The following MYO16 variants were observed in gnomAD, a reference collection of about 807,000 sequenced individuals.
The protein encoded by MYO16 is unconventional myosin-XVI.
MYO16 carries 94 observed loss-of-function variants against 205.3 expected under a neutral mutation model. That is an observed-to-expected ratio of 0.46 (90% confidence interval 0.39 to 0.54). The LOEUF is 0.54. Ranked by LOEUF, MYO16 falls within the 20% of genes least tolerant of loss-of-function variation. The pLI is 0.00. For missense variants in MYO16, 2,315 were observed against 2,387.5 expected (o/e 0.97, Z 0.63); for synonymous variants, 988 against 954.0 (o/e 1.04, Z -0.66).
intron 33 of MYO16, among the ~76,000 whole-genome samples, chr13:109,176,350 A>T (rs1471804181): frequency 2.0e-5 from 3 of 151,968 alleles, no homozygotes; most frequent in Admixed American, 6.6e-5. Flanking sequence ...TTGAAGAATT[A>T]AAAAAGCCTC....
rs185372110 is a variant in MYO16, at chr13:108,738,220, A to G, written c.507+10637A>G. On this transcript the variant is annotated intron_variant, in intron 4 of 34. Coordinates refer to ENST00000457511, the MANE Select transcript of MYO16 (RefSeq NM_001198950.3). ...CTTGCTTCTCTAGTTCTTTTAATTG[A>G]GATGTTAGGGTGTCAATTTTAGATC... 4.7e-3 allele frequency among the ~76,000 whole-genome samples: 712 copies of G among 151,844 alleles called. 4 individuals carry two copies. The highest frequency in any genetic ancestry group is 0.016 in the African/African-American group (659 of 41,408).
At chr13:108,677,057 TATTC>T (rs968145958) in intron 2 of MYO16, among the ~76,000 whole-genome samples, 1 of 152,114 alleles carries the variant, frequency 6.6e-6, no homozygotes, top group Non-Finnish European at 1.5e-5. Context: ...ATTCCTTAAT[TATTC>T]ATTCATTCAT....
rs7320441 is a variant in MYO16, at chr13:108,695,968, C to T, written c.293-16693C>T. 2.9e-3 allele frequency among the ~76,000 whole-genome samples: 444 copies of T among 152,266 alleles called. 4 individuals are homozygous for T. The highest frequency in any genetic ancestry group is 0.01 in the African/African-American group (421 of 41,548). On this transcript the variant is annotated intron_variant, in intron 2 of 34. Transcript: ENST00000457511. The stretch of plus-strand genomic sequence containing the variant: ...GAACTTCTAAAAATCAGAAGAGAAA[C>T]CACTGCTAAAATGTATCACAAAATA...
At chr13:108,641,988 C>T (rs1880524595) in intron 1 of MYO16, among the ~76,000 whole-genome samples, 1 of 152,140 alleles carries the variant, frequency 6.6e-6, no homozygotes, top group Non-Finnish European at 1.5e-5. Context: ...ACTTATGGGA[C>T]CACAGGGTCA....
At chr13:108,605,621 G>C (rs1355343030) in intron 1 of MYO16, among the ~76,000 whole-genome samples, 1 of 152,150 alleles carries the variant, frequency 6.6e-6, no homozygotes, top group African/African-American at 2.4e-5. Context: ...GGACTTGTTT[G>C]CTTCCCCTTC....
At chr13:108,729,045 G>A (rs373375975) in intron 4 of MYO16, among the ~76,000 whole-genome samples, 2 of 150,974 alleles carry the variant, frequency 1.3e-5, no homozygotes, top group Admixed American at 6.6e-5. Context: ...TCAAATTCTG[G>A]AAGATGGAGG....
chr13:109,048,228 G>A (rs1044198906), intron 24 of MYO16: 1 of 567,012 alleles, frequency 1.8e-6, no homozygotes, highest in Non-Finnish European at 3.3e-6. Context: ...ATGATGGCTA[G>A]TCTGCTTATC....
At position 108,659,603 on chromosome 13, in the gene MYO16, G is replaced by A. The variant is rs572728373; in HGVS notation, c.29-6283G>A. ...TGCCTCAGGCCAGATAATTTTGTAA[G>A]GAAAAGCAGTTAGATGGGAACACGG... On this transcript the variant is annotated intron_variant, in intron 1 of 34. Coordinates refer to ENST00000457511, the MANE Select transcript of MYO16 (RefSeq NM_001198950.3). 3.3e-5 allele frequency among the ~76,000 whole-genome samples: 5 copies of A among 152,230 alleles called. No homozygotes were observed. In the South Asian group the frequency reaches 6.2e-4, roughly 19 times the overall value.
intron 28 of MYO16, among the ~76,000 whole-genome samples, chr13:109,102,490 GTA>G (rs1412384626): frequency 3.1e-4 from 17 of 54,588 alleles, no homozygotes; most frequent in East Asian, 2.9e-3. Context: ...GTGTATATAT[GTA>G]TATGTGTGTG....
At chr13:108,576,289 T>C in the MYO16 span, among the ~76,000 whole-genome samples, 3 of 152,172 alleles carry the variant, frequency 2.0e-5, no homozygotes, top group Admixed American at 1.3e-4. Flanking sequence ...GCCACCGCAG[T>C]CTTTTAAACA....
At chr13:109,120,548 T>C in intron 29 of MYO16, 82 bp downstream of exon 29, 4 of 1,027,718 alleles carry the variant, frequency 3.9e-6, no homozygotes, top group Non-Finnish European at 5.8e-6. Flanking sequence ...AGTTTAAATG[T>C]CGATGGGGTC....
upstream of MYO16, among the ~76,000 whole-genome samples, chr13:108,625,174 CCGTT>C (rs1237635354): frequency 6.6e-6 from 1 of 152,122 alleles, no homozygotes; most frequent in African/African-American, 2.4e-5. Context: ...ACTTGAATGT[CCGTT>C]TGTTCTGGTT....
intron 2 of MYO16, among the ~76,000 whole-genome samples, chr13:108,673,341 A>C (rs1341016198): frequency 6.8e-6 from 1 of 148,118 alleles, no homozygotes; most frequent in Non-Finnish European, 1.5e-5. Flanking sequence ...TCTTTCCCTG[A>C]TCAATCCCTC....
intron 1 of MYO16, among the ~76,000 whole-genome samples, chr13:108,598,061 T>C (rs1328286713): frequency 6.6e-6 from 1 of 152,134 alleles, no homozygotes; most frequent in South Asian, 2.1e-4. Flanking sequence ...ACTGAAAAGG[T>C]GAATCACCAG....
chr13:109,177,825 A>C (rs1216587978), intron 33 of MYO16, among the ~76,000 whole-genome samples: 5 of 152,280 alleles, frequency 3.3e-5, no homozygotes, highest in South Asian at 2.1e-4. Context: ...CCCGACTTCT[A>C]ATTTATAATT....
At chr13:108,712,859 A>G in intron 3 of MYO16, 128 bp downstream of exon 3, 2 of 676,626 alleles carry the variant, frequency 3.0e-6, no homozygotes, top group South Asian at 4.6e-5. Context: ...TTTCTAATTA[A>G]CAGGCTTGGA....
At chr13:109,050,132 A>G (rs1887197449) in intron 24 of MYO16, among the ~76,000 whole-genome samples, 1 of 152,270 alleles carries the variant, frequency 6.6e-6, no homozygotes, top group East Asian at 1.9e-4. Flanking sequence ...CAGAATTCAT[A>G]TAAAGTTTTA....
chr13:108,832,531 C>T (rs1209611373), intron 9 of MYO16, among the ~76,000 whole-genome samples: 1 of 152,002 alleles, frequency 6.6e-6, no homozygotes, highest in East Asian at 1.9e-4. Flanking sequence ...CCATTTGGTC[C>T]AGTCTGGTTT....
intron 23 of MYO16, among the ~76,000 whole-genome samples, chr13:109,027,941 T>C (rs1241424150): frequency 6.6e-6 from 1 of 152,086 alleles, no homozygotes; most frequent in Non-Finnish European, 1.5e-5. Context: ...CCCCATTGAG[T>C]TGCTCAAATA....
Sources: allele counts gnomAD v4.1 joint callset (sites outside exome capture counted in the v4.1 genomes callset), GRCh38; gene constraint gnomAD v4.1.1; transcripts MANE v1.5; gene names NCBI Gene and HGNC (gene_info 2026-07-23, HGNC 2026-07-21).